GPR158: variants seen among roughly 807,000 people sequenced by gnomAD.
The protein encoded by GPR158 is G protein-coupled receptor 158, also known as metabotropic glycine receptor.
GPR158 carries 30 observed loss-of-function variants against 78.2 expected under a neutral mutation model. The observed-to-expected ratio is 0.38, with a 90% CI of 0.29 to 0.52. GPR158 has a LOEUF of 0.52. Among genes scored for constraint, GPR158 ranks in the 20% least tolerant of loss-of-function variants. The probability of loss-of-function intolerance (pLI) is 0.83; values close to 1 mark genes in which losing one functional copy is unlikely to be tolerated. For missense variants in GPR158, 1,463 were observed against 1,523.5 expected (o/e 0.96, Z 0.66); for synonymous variants, 581 against 591.1 (o/e 0.98, Z 0.25).
chr10:25,428,747 A>G (rs951884649), intron 4 of GPR158, among the ~76,000 whole-genome samples: 2 of 152,160 alleles, frequency 1.3e-5, no homozygotes, highest in Non-Finnish European at 1.5e-5. Flanking sequence ...TAAGAAGACA[A>G]GTAATAATTA....
chr10:25,503,202 T>C (rs907728438), intron 5 of GPR158, among the ~76,000 whole-genome samples: 1 of 107,930 alleles, frequency 9.3e-6, no homozygotes, highest in African/African-American at 4.5e-5. Context: ...CAAGACCTCA[T>C]TGCAAAAAAA....
rs754629829 is a variant in GPR158, at chr10:25,175,566, C to G, written c.146C>G (p.Pro49Arg). 1.9e-6 allele frequency: 3 copies of G among 1,610,948 alleles called. No homozygotes were observed. The highest frequency in any genetic ancestry group is 1.1e-5 in the South Asian group (1 of 91,064). ...AAGGGGAAGCCGCACGCCCAGCAGCCGGGTCGAGCCTCTGCCTCGGACTCC... is the reference window on the plus strand; with the variant it reads ...AAGGGGAAGCCGCACGCCCAGCAGCGGGGTCGAGCCTCTGCCTCGGACTCC... The part of the protein sequence containing the change: ...TPKGKPHAQQ[P>R]GRASASDSSA... The change falls in exon 1 of 11, where the codon CCG becomes CGG. Residue 49 changes from proline (P) to arginine (R), a missense_variant. Physicochemically the swap from Pro to Arg is moderately radical, Grantham distance 103. Coordinates refer to ENST00000376351, the MANE Select transcript of GPR158 (RefSeq NM_020752.3). This position sits in a 1 kb window ranked among gnomAD's most constrained non-coding sequence, Gnocchi z 6.4.
chr10:25,330,189 T>A (rs563001774), intron 2 of GPR158, among the ~76,000 whole-genome samples: 22 of 152,296 alleles, frequency 1.4e-4, no homozygotes, highest in Non-Finnish European at 2.8e-4. Context: ...TTGTGTAACA[T>A]CTGTGTTTAT....
rs569917701 is a variant in GPR158 at position 25,480,542 on chromosome 10, G to A, written c.1404+13823G>A. Among the ~76,000 whole-genome samples the A allele has an allele frequency of 2.5e-5, 3 of 119,414 alleles. No homozygotes were observed. The Admixed American group carries it at 2.6e-4, about 10-fold the overall frequency. 78.3% of individuals were successfully genotyped at this position (119,414 alleles called of 152,430 possible). A position where few individuals can be genotyped will look rare whatever the true frequency, so the allele number is the denominator to read the frequency against. On this transcript the variant is annotated intron_variant, in intron 5 of 10. Coordinates refer to ENST00000376351, the MANE Select transcript of GPR158 (RefSeq NM_020752.3). Reference sequence around the variant, plus strand: ...AACATCTGTTATACTTTGTTTCTATGATATTGCCTTTTCCAGGGCCTTCAC... The same window carrying A: ...AACATCTGTTATACTTTGTTTCTATAATATTGCCTTTTCCAGGGCCTTCAC...
intron 5 of GPR158, among the ~76,000 whole-genome samples, chr10:25,545,798 C>T (rs1317236468): frequency 6.6e-6 from 1 of 152,114 alleles, no homozygotes; most frequent in East Asian, 1.9e-4. Context: ...TTTTTAATCT[C>T]ATCCCTTCCA....
At chr10:25,530,495 T>G (rs1836408962) in intron 5 of GPR158, among the ~76,000 whole-genome samples, 1 of 152,202 alleles carries the variant, frequency 6.6e-6, no homozygotes. Context: ...TTGAAGTATC[T>G]GCAGCTAAGC....
Position 25,600,869 on chromosome 10 carries a change from A to T in GPR158, c.*1595A>T, listed in dbSNP as rs1226307439. 1 of 152,158 alleles carries T rather than the reference A, an allele frequency of 6.6e-6. No homozygotes were observed. The highest frequency in any genetic ancestry group is 2.4e-5 in the African/African-American group (1 of 41,442). 9.4% of individuals were successfully genotyped at this position (152,158 alleles called of 1,614,324 possible). On this transcript the variant is annotated 3_prime_UTR_variant, in exon 11 of 11. Transcript: ENST00000376351. ...TTGGCATGGGAATCCTAAGCTGCCG[A>T]CTAAGCCCTACCGACATGATCATGC...
chr10:25,207,002 A>C (rs1360436463), intron 1 of GPR158, among the ~76,000 whole-genome samples: 1 of 151,686 alleles, frequency 6.6e-6, no homozygotes, highest in Non-Finnish European at 1.5e-5. Flanking sequence ...CCACGGGGGA[A>C]ATGCAAAGAG....
chr10:25,190,352 A>C (rs913013980), intron 1 of GPR158, among the ~76,000 whole-genome samples: 8 of 150,782 alleles, frequency 5.3e-5, no homozygotes, highest in Middle Eastern at 3.4e-3. Context: ...ATTATTATTG[A>C]GACAGGGTCT....
chr10:25,566,885 G>A (rs2130726941), intron 6 of GPR158, among the ~76,000 whole-genome samples: 1 of 152,182 alleles, frequency 6.6e-6, no homozygotes, highest in East Asian at 1.9e-4. Context: ...ATTAATAGCA[G>A]AATGACAGAA....
intron 2 of GPR158, among the ~76,000 whole-genome samples, chr10:25,388,006 T>C (rs1371480389): frequency 6.6e-6 from 1 of 152,164 alleles, no homozygotes; most frequent in Non-Finnish European, 1.5e-5. Context: ...TGATAGCGTG[T>C]ATGTTTCTAG....
intron 5 of GPR158, among the ~76,000 whole-genome samples, chr10:25,513,779 A>G (rs1028246109): frequency 5.3e-5 from 8 of 152,100 alleles, no homozygotes; most frequent in African/African-American, 1.7e-4. Context: ...TTTTGACCCA[A>G]TGATCATTCA....
At chr10:25,513,024 A>G (rs1453141966) in intron 5 of GPR158, among the ~76,000 whole-genome samples, 1 of 152,046 alleles carries the variant, frequency 6.6e-6, no homozygotes, top group Non-Finnish European at 1.5e-5. Context: ...TGGTTTTGGA[A>G]TTAGGTTGAT....
At chr10:25,464,912 T>C (rs1835402410) in intron 4 of GPR158, among the ~76,000 whole-genome samples, 1 of 152,232 alleles carries the variant, frequency 6.6e-6, no homozygotes, top group African/African-American at 2.4e-5. Context: ...AATTTTCTTT[T>C]CACCAAAAGC....
intron 2 of GPR158, among the ~76,000 whole-genome samples, chr10:25,239,675 A>G (rs937517258): frequency 2.0e-5 from 3 of 151,492 alleles, no homozygotes; most frequent in Non-Finnish European, 2.9e-5. Context: ...TTTCTCTATT[A>G]GAGAATATAT....
intron 2 of GPR158, among the ~76,000 whole-genome samples, chr10:25,311,150 C>T (rs771359525): frequency 1.3e-5 from 2 of 151,880 alleles, no homozygotes; most frequent in Non-Finnish European, 2.9e-5. Flanking sequence ...TTTTCTTTCT[C>T]AGTTTTTCTT....
chr10:25,433,547 T>TTGTGTG (rs1554803583), intron 4 of GPR158, among the ~76,000 whole-genome samples: 1,418 of 96,458 alleles, frequency 0.015, 45 homozygotes, highest in African/African-American at 0.037. Context: ...TGTGTGTGTG[T>TTGTGTG]TGTGTGTGTG....
chr10:25,278,267 TGTG>T (rs890780537), intron 2 of GPR158, among the ~76,000 whole-genome samples: 1 of 152,074 alleles, frequency 6.6e-6, no homozygotes, highest in African/African-American at 2.4e-5. Context: ...TAAAAATGAA[TGTG>T]TAGAAATAAA....
In GPR158 at chr10:25,483,466, C is replaced by G. The variant is rs534682907; in HGVS notation, c.1404+16747C>G. Among the ~76,000 whole-genome samples, 4 of 152,278 alleles carry G rather than the reference C, an allele frequency of 2.6e-5. No individual in the cohort carries two copies. In the South Asian group the frequency reaches 8.3e-4, roughly 32 times the overall value. The stretch of plus-strand genomic sequence containing the variant: ...AAATTGCAGCCTGCCCCACTCCTCA[C>G]AGTACTTCTGATCTCTCTCATCCTG... On this transcript the variant is annotated intron_variant, in intron 5 of 10. Transcript: ENST00000376351.
Sources: allele counts gnomAD v4.1 joint callset (sites outside exome capture counted in the v4.1 genomes callset), GRCh38; gene constraint gnomAD v4.1.1; non-coding constraint Gnocchi (gnomAD v3.1); transcripts MANE v1.5; gene names NCBI Gene and HGNC (gene_info 2026-07-23, HGNC 2026-07-21).